The following CMSS1 variants were observed in gnomAD, a reference collection of about 807,000 sequenced individuals.
CMSS1 encodes cms1 ribosomal small subunit homolog.
In CMSS1, 33 loss-of-function variants were observed where a neutral mutation model predicts 43.5. The observed-to-expected ratio is 0.76, with a 90% confidence interval of 0.57 to 1.01. The LOEUF is 1.01. CMSS1 is among the 50% of genes least tolerant of loss of function. The probability of loss-of-function intolerance (pLI) is 0.00; values close to 1 mark genes in which losing one functional copy is unlikely to be tolerated. For synonymous variants in CMSS1, 115 were observed against 117.2 expected (o/e 0.98, Z 0.12); for missense variants, 313 against 326.4 (o/e 0.96, Z 0.32).
intron 1 of CMSS1, among the ~76,000 whole-genome samples, chr3:100,128,148 CCTTTCTCA>C (rs2066677694): frequency 6.6e-6 from 1 of 152,168 alleles, no homozygotes; most frequent in African/African-American, 2.4e-5. Context: ...ACAATGCCAG[CCTTTCTCA>C]CATCTGTGAC....
chr3:100,152,681 A>G (rs946339584), intron 2 of CMSS1, among the ~76,000 whole-genome samples: 3 of 152,234 alleles, frequency 2.0e-5, no homozygotes, highest in Admixed American at 2.0e-4. Flanking sequence ...GTAAGACCCA[A>G]GAAGAAATCA....
At chr3:100,005,829 A>C (rs1440930183) in intron 1 of CMSS1, among the ~76,000 whole-genome samples, 1 of 152,180 alleles carries the variant, frequency 6.6e-6, no homozygotes, top group Non-Finnish European at 1.5e-5. Flanking sequence ...AACTGAAAGG[A>C]GAGAACTTGG....
At chr3:99,936,642 G>A (rs962247657) in intron 1 of CMSS1, among the ~76,000 whole-genome samples, 1 of 149,886 alleles carries the variant, frequency 6.7e-6, no homozygotes. Flanking sequence ...AAAATGCAGG[G>A]ATTACAGGCA....
intron 1 of CMSS1, among the ~76,000 whole-genome samples, chr3:99,861,171 T>C (rs540247287): frequency 5.9e-5 from 9 of 152,290 alleles, no homozygotes; most frequent in African/African-American, 2.2e-4. Context: ...CTTTCCATTT[T>C]GATTGTTAAT....
intron 1 of CMSS1, among the ~76,000 whole-genome samples, chr3:99,980,644 C>T (rs1169076565): frequency 1.3e-5 from 2 of 152,090 alleles, no homozygotes; most frequent in Non-Finnish European, 2.9e-5. Flanking sequence ...GAATTGAGGG[C>T]TTATGGTAGT....
chr3:100,093,463 A>G (rs2066148787), intron 1 of CMSS1, among the ~76,000 whole-genome samples: 2 of 152,192 alleles, frequency 1.3e-5, no homozygotes, highest in African/African-American at 2.4e-5. Context: ...CAAAAAATAT[A>G]TACTTTTAAT....
chr3:100,050,635 G>A (rs887954553), intron 1 of CMSS1, among the ~76,000 whole-genome samples: 19 of 152,054 alleles, frequency 1.2e-4, no homozygotes, highest in African/African-American at 4.6e-4. Context: ...AGGTTCAAGC[G>A]ATTCTCCTGC....
At chr3:99,959,619 A>T (rs952277539) in intron 1 of CMSS1, among the ~76,000 whole-genome samples, 1 of 152,188 alleles carries the variant, frequency 6.6e-6, no homozygotes, top group African/African-American at 2.4e-5. Context: ...AATTGAATTT[A>T]GTAATCTGTA....
In CMSS1 at chr3:100,166,792, C is replaced by G. The variant is rs115199499; in HGVS notation, c.415+398C>G. Among the ~76,000 whole-genome samples, 878 of 152,206 alleles carry G rather than the reference C, an allele frequency of 5.8e-3. 3 individuals are homozygous for G. The highest frequency in any genetic ancestry group is 0.02 in the African/African-American group (828 of 41,528). ...TCACTCCATCTCCCAGGCTGGAGTG[C>G]AGTGGGTCTGGTCACAGCTCAGTGG... On this transcript the variant is annotated intron_variant, in intron 5 of 9. Transcript: ENST00000421999.
chr3:100,004,850 T>C (rs1299838349), intron 1 of CMSS1, among the ~76,000 whole-genome samples: 3 of 152,222 alleles, frequency 2.0e-5, no homozygotes, highest in South Asian at 2.1e-4. Flanking sequence ...GTGGGGAAAA[T>C]CTGGCCACTG....
At chr3:99,921,709 G>A (rs1478385076) in intron 1 of CMSS1, among the ~76,000 whole-genome samples, 1 of 152,082 alleles carries the variant, frequency 6.6e-6, no homozygotes, top group Non-Finnish European at 1.5e-5. Context: ...TCCTATAAAG[G>A]AAACTTTATA....
chr3:100,167,888 G>T (rs769295638), intron 6 of CMSS1, 48 bp downstream of exon 6: 2 of 1,271,912 alleles, frequency 1.6e-6, no homozygotes. Flanking sequence ...CTGAATAACT[G>T]ATATATGCCA....
At chr3:100,032,033 T>C (rs2065030166) in intron 1 of CMSS1, among the ~76,000 whole-genome samples, 1 of 152,202 alleles carries the variant, frequency 6.6e-6, no homozygotes, top group African/African-American at 2.4e-5. Context: ...AATGTAAAAA[T>C]TATGCTTTCA....
At chr3:99,932,783 C>G (rs140677621) in intron 1 of CMSS1, among the ~76,000 whole-genome samples, 79 of 152,226 alleles carry the variant, frequency 5.2e-4, no homozygotes, top group African/African-American at 1.8e-3. Context: ...CCCAGCTACT[C>G]AGGAGGCTGA....
chr3:100,061,991 C>T (rs956429806), intron 1 of CMSS1, among the ~76,000 whole-genome samples: 3 of 149,832 alleles, frequency 2.0e-5, no homozygotes, highest in Non-Finnish European at 1.5e-5. Context: ...TCTCCACAAA[C>T]TTTTTCATCT....
At chr3:99,882,729 T>C (rs571254337) in intron 1 of CMSS1, among the ~76,000 whole-genome samples, 1 of 152,164 alleles carries the variant, frequency 6.6e-6, no homozygotes, top group African/African-American at 2.4e-5. Flanking sequence ...GCACAAACAG[T>C]GTGATTAGTA....
chr3:99,942,605 GC>G (rs756969209), intron 1 of CMSS1, among the ~76,000 whole-genome samples: 5 of 152,336 alleles, frequency 3.3e-5, no homozygotes, highest in Non-Finnish European at 5.9e-5. Context: ...ACCGAGGCGG[GC>G]GGATCACCTG....
intron 1 of CMSS1, among the ~76,000 whole-genome samples, chr3:100,082,725 C>T (rs73144447): frequency 6.6e-6 from 1 of 152,234 alleles, no homozygotes; most frequent in Non-Finnish European, 1.5e-5. Flanking sequence ...ATTTTTTATA[C>T]CCTTACTTAA....
At chr3:99,941,360 T>C (rs1707845936) in intron 1 of CMSS1, among the ~76,000 whole-genome samples, 1 of 152,214 alleles carries the variant, frequency 6.6e-6, no homozygotes, top group Admixed American at 6.5e-5. Context: ...ACAAAGTGTT[T>C]TGGAAGGATT....
Sources: gnomAD v4.1 joint callset for allele counts (sites outside exome capture counted in the v4.1 genomes callset) on GRCh38, gnomAD v4.1.1 for gene constraint, MANE v1.5 for transcripts, NCBI Gene and HGNC (gene_info 2026-07-23, HGNC 2026-07-21) for gene names.